MBD5: variants seen among roughly 807,000 people sequenced by gnomAD.
MBD5 encodes methyl-CpG-binding domain protein 5.
In MBD5, 13 loss-of-function variants were observed where a neutral mutation model predicts 117.3. The ratio of observed to expected loss-of-function variants is 0.11; its 90% confidence interval spans 0.07 to 0.18. The LOEUF (loss-of-function observed/expected upper bound fraction) is 0.18, where lower values mean the gene tolerates loss of function less well. Among genes scored for constraint, MBD5 ranks in the 10% least tolerant of loss-of-function variants. The probability of loss-of-function intolerance (pLI) is 1.00; values close to 1 mark genes in which losing one functional copy is unlikely to be tolerated. For missense variants in MBD5, 1,879 were observed against 2,093.8 expected (o/e 0.90, Z 2.00); for synonymous variants, 727 against 766.4 (o/e 0.95, Z 0.85).
chr2:148,194,862 C>G (rs554006365), intron 2 of MBD5, among the ~76,000 whole-genome samples: 44 of 151,860 alleles, frequency 2.9e-4, no homozygotes, highest in African/African-American at 1.0e-3. Flanking sequence ...TATATCATCA[C>G]TATATTAAGT....
At chr2:148,050,091 T>C (rs1694651269) in intron 1 of MBD5, among the ~76,000 whole-genome samples, 1 of 152,194 alleles carries the variant, frequency 6.6e-6, no homozygotes, top group South Asian at 2.1e-4. Context: ...GGTCTCATGG[T>C]GACTCTATGT....
intron 4 of MBD5, among the ~76,000 whole-genome samples, chr2:148,396,624 C>G (rs1439129512): frequency 6.6e-6 from 1 of 152,208 alleles, no homozygotes; most frequent in Non-Finnish European, 1.5e-5. Flanking sequence ...CCACCTTGCT[C>G]TTTGTGCAGT....
At chr2:148,136,880 A>G (rs924221132) in intron 1 of MBD5, among the ~76,000 whole-genome samples, 1 of 152,060 alleles carries the variant, frequency 6.6e-6, no homozygotes, top group Non-Finnish European at 1.5e-5. Flanking sequence ...CTCCTGCCTC[A>G]GCCTCCCAAG....
At chr2:148,088,910 G>A (rs1318442829) in intron 1 of MBD5, among the ~76,000 whole-genome samples, 1 of 152,042 alleles carries the variant, frequency 6.6e-6, no homozygotes, top group Non-Finnish European at 1.5e-5. Flanking sequence ...GTACAGAATG[G>A]CAGAATGGAT....
At chr2:148,151,147 A>T (rs1256553428) in intron 1 of MBD5, among the ~76,000 whole-genome samples, 1 of 151,064 alleles carries the variant, frequency 6.6e-6, no homozygotes, top group African/African-American at 2.4e-5. Flanking sequence ...AGTTTTTAGC[A>T]TGAAGGGTTG....
In MBD5 at chr2:148,442,838, G is replaced by C. The variant is rs925499394; in HGVS notation, c.-556-15365G>C. Among the ~76,000 whole-genome samples, 13 of 151,212 alleles carry C rather than the reference G, an allele frequency of 8.6e-5. 1 individual carries two copies. Among genetic ancestry groups the C allele is most frequent in the African/African-American group, 3.2e-4 (13 of 40,640 alleles). ...CAAAACTCTGCAGGACATTGGAGTG[G>C]GCAAAAATTTCTTGAGTAACACAAG... On this transcript the variant is annotated intron_variant, in intron 4 of 13. Coordinates refer to ENST00000642680, the MANE Select transcript of MBD5 (RefSeq NM_001378120.1).
intron 4 of MBD5, among the ~76,000 whole-genome samples, chr2:148,423,114 C>T (rs922397124): frequency 9.2e-5 from 14 of 152,004 alleles, no homozygotes; most frequent in African/African-American, 3.4e-4. Flanking sequence ...AGAGCAACCC[C>T]AAGACACATA....
At chr2:148,366,288 A>G (rs1190867873) in intron 4 of MBD5, among the ~76,000 whole-genome samples, 3 of 66,528 alleles carry the variant, frequency 4.5e-5, no homozygotes, top group Non-Finnish European at 9.8e-5. Flanking sequence ...CCTTCATGCT[A>G]AAAACTATCA....
intron 1 of MBD5, among the ~76,000 whole-genome samples, chr2:148,082,660 TAA>T (rs941451186): frequency 6.6e-6 from 1 of 152,228 alleles, no homozygotes; most frequent in African/African-American, 2.4e-5. Context: ...ACTTGAGGAA[TAA>T]AACAGTAGGC....
At chr2:148,148,965 T>TA (rs1558946610) in intron 1 of MBD5, among the ~76,000 whole-genome samples, 17 of 152,180 alleles carry the variant, frequency 1.1e-4, no homozygotes, top group Admixed American at 2.0e-4. Context: ...ATACTTTAAG[T>TA]TTTACGGTAC....
At chr2:148,409,916 A>G (rs1705200561) in intron 4 of MBD5, among the ~76,000 whole-genome samples, 1 of 152,156 alleles carries the variant, frequency 6.6e-6, no homozygotes, top group South Asian at 2.1e-4. Context: ...TCTCTGTAGT[A>G]TGAATGTTTT....
At chr2:148,385,295 C>A (rs542904547) in intron 4 of MBD5, among the ~76,000 whole-genome samples, 1 of 152,130 alleles carries the variant, frequency 6.6e-6, no homozygotes, top group African/African-American at 2.4e-5. Context: ...AAAAAGTGGG[C>A]AAAGGATATG....
At chr2:148,144,509 T>C (rs1287999877) in intron 1 of MBD5, among the ~76,000 whole-genome samples, 1 of 152,250 alleles carries the variant, frequency 6.6e-6, no homozygotes, top group Non-Finnish European at 1.5e-5. Context: ...GTTTTAGTCA[T>C]GAAGTCCTTG....
chr2:148,062,612 T>G (rs1399379610), intron 1 of MBD5: 1 of 152,050 alleles, frequency 6.6e-6, no homozygotes, highest in Non-Finnish European at 1.5e-5. Context: ...CTGTTACAGG[T>G]GATTAAATAT....
rs773853228 is a variant in MBD5, at chr2:148,462,680, C to G, written c.212C>G (p.Pro71Arg). ...GGCTTGGAATGTCCTCTTATTCTTC[C>G]CAAGGTAACCATTTCACAATAGATC... ...KCGLECPLIL[P>R]KVFNFDPGAA... Residue 71 changes from proline to arginine, a missense_variant, in exon 6 of 14, where the codon CCC becomes CGC. This residue lies in a region of MBD5 where 71 missense variants were observed against 129.2 expected (regional missense o/e 0.55). Coordinates refer to ENST00000642680, the MANE Select transcript of MBD5 (RefSeq NM_001378120.1). The G allele has an allele frequency of 6.3e-7, 1 of 1,588,046 alleles. No homozygotes were observed. The highest frequency in any genetic ancestry group is 1.7e-5 in the Admixed American group (1 of 59,918).
intron 3 of MBD5, chr2:148,260,799 A>G (rs1381619890): frequency 6.5e-6 from 1 of 152,684 alleles, no homozygotes; most frequent in African/African-American, 2.4e-5. Context: ...AACACTGTGT[A>G]TGGCAGGTAT....
chr2:148,237,708 T>G (rs959701003), intron 3 of MBD5, among the ~76,000 whole-genome samples: 16 of 152,180 alleles, frequency 1.1e-4, no homozygotes, highest in African/African-American at 3.6e-4. Flanking sequence ...ACATGCTGTG[T>G]GTGAAAACGG....
At chr2:148,034,770 GAGAA>G (rs897528228) in intron 1 of MBD5, among the ~76,000 whole-genome samples, 6 of 152,176 alleles carry the variant, frequency 3.9e-5, no homozygotes, top group Admixed American at 3.9e-4. Context: ...TAGCGGCTTT[GAGAA>G]AGAAAGGTCA....
intron 4 of MBD5, among the ~76,000 whole-genome samples, chr2:148,408,891 C>T (rs1372300145): frequency 6.6e-6 from 1 of 151,924 alleles, no homozygotes; most frequent in Non-Finnish European, 1.5e-5. Flanking sequence ...ATAGCATTTA[C>T]ATCGTATTAG....
Sources: allele counts gnomAD v4.1 joint callset (sites outside exome capture counted in the v4.1 genomes callset), GRCh38; gene constraint gnomAD v4.1.1; regional missense constraint gnomAD v4.1.1; transcripts MANE v1.5; gene names NCBI Gene and HGNC (gene_info 2026-07-23, HGNC 2026-07-21).